Variants in KCNH1 observed in about 807,000 individuals in gnomAD.
KCNH1 encodes potassium voltage-gated channel subfamily H member 1, also known as voltage-gated delayed rectifier potassium channel KCNH1.
A neutral mutation model predicts 69.2 loss-of-function variants in KCNH1; 27 were observed. The observed-to-expected ratio is 0.39, with a 90% CI of 0.29 to 0.54. KCNH1 has a LOEUF of 0.54. Among genes scored for constraint, KCNH1 ranks in the 20% least tolerant of loss-of-function variants. The pLI is 0.68. For synonymous variants in KCNH1, 456 were observed against 487.7 expected, an observed-to-expected ratio of 0.93 and a Z score of 0.86; for missense variants, 798 against 1,261.6, an observed-to-expected ratio of 0.63 and a Z score of 5.57.
intron 1 of KCNH1, among the ~76,000 whole-genome samples, chr1:211,126,600 T>C (rs1691781335): frequency 1.3e-5 from 2 of 150,682 alleles, no homozygotes; most frequent in South Asian, 2.1e-4. Context: ...GAAGGATTAC[T>C]TGAGCCTGGG....
At chr1:210,749,411 C>T (rs945450253) in intron 10 of KCNH1, among the ~76,000 whole-genome samples, 3 of 152,170 alleles carry the variant, frequency 2.0e-5, no homozygotes, top group African/African-American at 7.2e-5. Flanking sequence ...CAGCAAAGAA[C>T]AGACAGCATG....
At chr1:211,129,388 C>T (rs902465223) in intron 1 of KCNH1, among the ~76,000 whole-genome samples, 4 of 152,168 alleles carry the variant, frequency 2.6e-5, no homozygotes, top group African/African-American at 9.7e-5. Flanking sequence ...TCAGTTGACC[C>T]ACAGTGTTCC....
chr1:210,950,265 T>G (rs572260139), intron 6 of KCNH1, among the ~76,000 whole-genome samples: 1 of 150,908 alleles, frequency 6.6e-6, no homozygotes, highest in Non-Finnish European at 1.5e-5. Flanking sequence ...CATGTGCACA[T>G]TGTGCAGGTT....
At chr1:210,699,369 ACAGACCTGTT>A (rs1681719567) in intron 10 of KCNH1, among the ~76,000 whole-genome samples, 1 of 152,244 alleles carries the variant, frequency 6.6e-6, no homozygotes, top group Non-Finnish European at 1.5e-5. Context: ...CAGCATGGAC[ACAGACCTGTT>A]CAGAGAAAGA....
chr1:211,081,505 A>G (rs1279613096), intron 5 of KCNH1, among the ~76,000 whole-genome samples: 1 of 152,246 alleles, frequency 6.6e-6, no homozygotes, highest in African/African-American at 2.4e-5. Flanking sequence ...GCTACTATAA[A>G]GACACATGCA....
At chr1:210,973,212 C>G (rs759398809) in intron 6 of KCNH1, among the ~76,000 whole-genome samples, 7 of 152,126 alleles carry the variant, frequency 4.6e-5, no homozygotes, top group Non-Finnish European at 7.4e-5. Context: ...TTCAACATAT[C>G]CCAAAGTGAA....
intron 5 of KCNH1, among the ~76,000 whole-genome samples, chr1:211,038,623 G>A (rs1181435142): frequency 6.6e-6 from 1 of 152,194 alleles, no homozygotes; most frequent in Non-Finnish European, 1.5e-5. Flanking sequence ...CCAGACTGAG[G>A]TGGTCTCAGG....
intron 5 of KCNH1, among the ~76,000 whole-genome samples, chr1:211,071,319 C>G (rs1433403373): frequency 1.3e-5 from 2 of 152,046 alleles, no homozygotes; most frequent in African/African-American, 4.8e-5. Context: ...TTATGATATT[C>G]TACTAAACAC....
chr1:210,972,073 A>G (rs1688521305), intron 6 of KCNH1, among the ~76,000 whole-genome samples: 1 of 152,120 alleles, frequency 6.6e-6, no homozygotes, highest in Non-Finnish European at 1.5e-5. Flanking sequence ...TCTAAGTTCT[A>G]TTTATGCTAC....
intron 9 of KCNH1, among the ~76,000 whole-genome samples, chr1:210,783,283 A>T (rs1193558926): frequency 6.6e-6 from 1 of 152,186 alleles, no homozygotes; most frequent in Admixed American, 6.5e-5. Flanking sequence ...CCTCCTCTTC[A>T]ATCAACATTC....
chr1:211,076,989 CA>C (rs1690745883), intron 5 of KCNH1, among the ~76,000 whole-genome samples: 1 of 151,940 alleles, frequency 6.6e-6, no homozygotes, highest in Admixed American at 6.6e-5. Flanking sequence ...CCAATTCGAT[CA>C]AGTGGAAGAA....
At chr1:210,709,006 T>A (rs142732623) in intron 10 of KCNH1, among the ~76,000 whole-genome samples, 25 of 152,166 alleles carry the variant, frequency 1.6e-4, no homozygotes, top group Non-Finnish European at 2.9e-4. Flanking sequence ...ATCCCAGCAC[T>A]CTGGGAGGCT....
chr1:210,850,328 TCTCTAC>T (rs1685671839), intron 7 of KCNH1, among the ~76,000 whole-genome samples: 1 of 151,308 alleles, frequency 6.6e-6, no homozygotes, highest in Admixed American at 6.6e-5. Flanking sequence ...TGAAACCCAG[TCTCTAC>T]TGAAGAAAAA....
chr1:210,982,293 A>C (rs184025090), intron 6 of KCNH1, among the ~76,000 whole-genome samples: 1 of 152,014 alleles, frequency 6.6e-6, no homozygotes, highest in African/African-American at 2.4e-5. Flanking sequence ...CTTTAGGGTA[A>C]AGTTTTAGGG....
intron 8 of KCNH1, among the ~76,000 whole-genome samples, chr1:210,800,371 C>T (rs1029150590): frequency 2.6e-5 from 4 of 152,208 alleles, no homozygotes; most frequent in African/African-American, 7.2e-5. Context: ...TGTGCCCAGT[C>T]GTCTGGAACC....
intron 10 of KCNH1, among the ~76,000 whole-genome samples, chr1:210,769,614 C>T (rs541948763): frequency 1.3e-5 from 2 of 152,284 alleles, no homozygotes; most frequent in Non-Finnish European, 2.9e-5. Flanking sequence ...GAATGAGAAC[C>T]GCCCTCCCAA....
chr1:211,005,556 C>A (rs1689265829), intron 6 of KCNH1, among the ~76,000 whole-genome samples: 1 of 152,006 alleles, frequency 6.6e-6, no homozygotes. Flanking sequence ...GGATACCCAT[C>A]TGAGGAAAAA....
intron 3 of KCNH1, among the ~76,000 whole-genome samples, chr1:211,095,506 G>A (rs1460670128): frequency 6.6e-6 from 1 of 152,146 alleles, no homozygotes; most frequent in Non-Finnish European, 1.5e-5. Flanking sequence ...AACCTAACCT[G>A]GCTTTGAGGT....
intron 10 of KCNH1, among the ~76,000 whole-genome samples, chr1:210,705,450 A>G (rs74156032): frequency 0.019 from 2,920 of 152,256 alleles, 104 homozygotes; most frequent in African/African-American, 0.067. Flanking sequence ...GCATCCATCC[A>G]AGCAACAGTG....
Sources: allele counts gnomAD v4.1 joint callset (sites outside exome capture counted in the v4.1 genomes callset), GRCh38; gene constraint gnomAD v4.1.1; transcripts MANE v1.5; gene names NCBI Gene and HGNC (gene_info 2026-07-23, HGNC 2026-07-21).